SYPL1: variants seen among roughly 807,000 people sequenced by gnomAD.
SYPL1 encodes the protein synaptophysin-like protein 1.
Under a neutral mutation model 23.7 loss-of-function variants are expected in SYPL1, and 6 were observed. The ratio of observed to expected loss-of-function variants is 0.25; its 90% CI spans 0.14 to 0.50. The LOEUF (loss-of-function observed/expected upper bound fraction) is 0.50, where lower values mean the gene tolerates loss of function less well. Ranked by LOEUF, SYPL1 falls within the 20% of genes least tolerant of loss-of-function variation. The pLI, the probability that SYPL1 is intolerant of heterozygous loss-of-function variation, is 0.98. For missense variants in SYPL1, 253 were observed against 288.9 expected, an observed-to-expected ratio of 0.88 and a Z score of 0.90; for synonymous variants, 102 against 104.5, an observed-to-expected ratio of 0.98 and a Z score of 0.15.
In SYPL1 at chr7:106,096,055, C is replaced by T. The variant is rs1190539866; in HGVS notation, c.402+1635G>A. ...AGCTTCTAGTTATAAAGAATTTTAA[C>T]AAAATATAATTATCTATAAGATTAT... On this transcript the variant is annotated intron_variant, in intron 3 of 4. Transcript: ENST00000455385. The surrounding 1 kb of genome is among the most constrained non-coding windows in gnomAD (Gnocchi z 4.4). Among the ~76,000 whole-genome samples, 3 of 152,064 alleles carry T rather than the reference C, an allele frequency of 2.0e-5. No homozygotes were observed. Among genetic ancestry groups the T allele is most frequent in the Non-Finnish European group, 4.4e-5 (3 of 67,998 alleles).
intron 1 of SYPL1, among the ~76,000 whole-genome samples, chr7:106,102,700 C>T (rs1016319451): frequency 6.6e-6 from 1 of 152,186 alleles, no homozygotes; most frequent in African/African-American, 2.4e-5. Context: ...TCCTGACCCA[C>T]AGAAGAATGG....
chr7:106,106,908 G>A (rs543809284), intron 1 of SYPL1, among the ~76,000 whole-genome samples: 1 of 152,318 alleles, frequency 6.6e-6, no homozygotes, highest in South Asian at 2.1e-4. Context: ...GCTAGACCAT[G>A]CTAATTCTGA....
At chr7:106,099,422 G>A in intron 1 of SYPL1, 140 bp from the exon 2 acceptor site, 1 of 1,088,344 alleles carries the variant, frequency 9.2e-7, no homozygotes, top group Non-Finnish European at 1.3e-6. Flanking sequence ...TTGAGACAGG[G>A]TTTCTGTCGC....
At chr7:106,112,516 A>G, upstream of SYPL1, 2 of 1,522,998 alleles carry the variant, frequency 1.3e-6, no homozygotes, top group South Asian at 1.3e-5. Flanking sequence ...AACCAAGTAG[A>G]TGTTGGGCGC....
Position 106,104,842 on chromosome 7 carries a change from C to G in SYPL1, c.70-5560G>C, listed in dbSNP as rs1840510682. On this transcript the variant is annotated intron_variant, in intron 1 of 4. Coordinates refer to ENST00000455385, the MANE Select transcript of SYPL1 (RefSeq NM_182715.4). This position sits in a 1 kb window ranked among gnomAD's most constrained non-coding sequence, Gnocchi z 4.1. ...TATTCTACTGCTATTTTGATCTAGACTGGAAGTTATATACTGGCAGCCTGT... is the reference window on the plus strand; with the variant it reads ...TATTCTACTGCTATTTTGATCTAGAGTGGAAGTTATATACTGGCAGCCTGT... Among the ~76,000 whole-genome samples the G allele has an allele frequency of 6.6e-6, 1 of 152,178 alleles. No homozygotes were observed. The highest frequency in any genetic ancestry group is 1.5e-5 in the Non-Finnish European group (1 of 68,044).
At chr7:106,110,331 A>T (rs904822033) in intron 1 of SYPL1, among the ~76,000 whole-genome samples, 1 of 152,214 alleles carries the variant, frequency 6.6e-6, no homozygotes, top group African/African-American at 2.4e-5. Context: ...CCCCAAGTGA[A>T]CCAGTACCCA....
At position 106,100,117 on chromosome 7, in the gene SYPL1, G is replaced by C. The variant is rs976551494; in HGVS notation, c.70-835C>G. Among the ~76,000 whole-genome samples, 2 of 152,160 alleles carry C rather than the reference G, an allele frequency of 1.3e-5. No homozygotes were observed. The highest frequency in any genetic ancestry group is 2.1e-4 in the South Asian group (1 of 4,830). On this transcript the variant is annotated intron_variant, in intron 1 of 4. Transcript: ENST00000455385. The surrounding 1 kb of genome is among the most constrained non-coding windows in gnomAD (Gnocchi z 5.1). ...TACCAGTAATTTGTAAAGCCAAGAG[G>C]TTGTCAGCAGAGAAGAGACACTATT... is the stretch of plus-strand genomic sequence containing the variant.
intron 4 of SYPL1, chr7:106,092,746 G>T (rs2116063128): frequency 1.7e-6 from 1 of 571,596 alleles, no homozygotes; most frequent in Non-Finnish European, 3.1e-6. Context: ...TCTCAGAGAT[G>T]AATAAAATCA....
rs190352736 is a variant in SYPL1 at position 106,090,542 on chromosome 7, G to T, written c.*1263C>A. 1.4e-4 allele frequency: 22 copies of T among 152,706 alleles called. No individual in the cohort carries two copies. Among genetic ancestry groups the T allele is most frequent in the African/African-American group, 4.6e-4 (19 of 41,568 alleles). 9.5% of individuals were successfully genotyped at this position (152,706 alleles called of 1,614,324 possible). On this transcript the variant is annotated 3_prime_UTR_variant, in exon 5 of 5. Coordinates refer to ENST00000455385, the MANE Select transcript of SYPL1 (RefSeq NM_182715.4). ...CCTTTATTAAATTGGTTGCAAAAAA[G>T]ATATACATTCTTATATTGACAATTC...
chr7:106,091,707 A>G lies in SYPL1; in HGVS notation c.*98T>C, dbSNP rs556112379. The stretch of plus-strand genomic sequence containing the variant: ...TTTAAACCCACCAATATATTGACAA[A>G]GCCATTACTTTTATTAGAAACAAAT... On this transcript the variant is annotated 3_prime_UTR_variant, in exon 5 of 5. Transcript: ENST00000455385. The surrounding 1 kb of genome is among the most constrained non-coding windows in gnomAD (Gnocchi z 5.0). 39 of 1,334,874 alleles carry G rather than the reference A, an allele frequency of 2.9e-5. No individual in the cohort carries two copies. In the East Asian group the frequency reaches 8.0e-4, roughly 28 times the overall value. The allele number at this position is 1,334,874 out of a possible 1,614,324, so 82.7% of individuals were successfully genotyped here. A position where few individuals can be genotyped will look rare whatever the true frequency, so the allele number is the denominator to read the frequency against.
intron 1 of SYPL1, among the ~76,000 whole-genome samples, chr7:106,102,670 T>A (rs192563078): frequency 1.3e-5 from 2 of 152,300 alleles, no homozygotes; most frequent in African/African-American, 4.8e-5. Context: ...CCAAACCACA[T>A]AGCTAAGCTG....
intron 1 of SYPL1, among the ~76,000 whole-genome samples, chr7:106,111,608 A>AT (rs966639868): frequency 2.6e-5 from 4 of 152,142 alleles, no homozygotes; most frequent in Admixed American, 6.5e-5. Context: ...CCCACAGTTT[A>AT]TTTTTTTACT....
At chr7:106,112,009 C>T (rs1790182089) in intron 1 of SYPL1, 131 bp downstream of exon 1, 3 of 1,112,288 alleles carry the variant, frequency 2.7e-6, no homozygotes, top group Non-Finnish European at 3.3e-6. Context: ...CTGCCGTCCA[C>T]TCCCAGTCCC....
In SYPL1 at chr7:106,097,590, G is replaced by A; in HGVS notation, c.402+100C>T. 9.1e-7 allele frequency: 1 copy of A among 1,104,070 alleles called. No individual in the cohort carries two copies. Among genetic ancestry groups the A allele is most frequent in the Non-Finnish European group, 1.2e-6 (1 of 804,202 alleles). 68.4% of individuals were successfully genotyped at this position (1,104,070 alleles called of 1,614,324 possible). A position where few individuals can be genotyped will look rare whatever the true frequency, so the allele number is the denominator to read the frequency against. ...TGGCAAACACAGGCTAAAATATGCT[G>A]AACTGGCTTACACCAAGAATTTTTA... On this transcript the variant is annotated intron_variant, in intron 3 of 4. Transcript: ENST00000455385. The surrounding 1 kb of genome is among the most constrained non-coding windows in gnomAD (Gnocchi z 4.6).
At chr7:106,107,115 G>A (rs948493668) in intron 1 of SYPL1, among the ~76,000 whole-genome samples, 39 of 152,300 alleles carry the variant, frequency 2.6e-4, no homozygotes, top group Admixed American at 2.0e-4. Context: ...TATTATGTAT[G>A]AGTGTTTACA....
rs1790011985 is a variant in SYPL1 at position 106,109,048 on chromosome 7, A to G, written c.69+3092T>C. ...AAAAACAAAAAACCAAAAACAAAAA[A>G]GAACAAAAAACCCCCACCAGTTTTA... On this transcript the variant is annotated intron_variant, in intron 1 of 4. Coordinates refer to ENST00000455385, the MANE Select transcript of SYPL1 (RefSeq NM_182715.4). The surrounding 1 kb of genome is among the most constrained non-coding windows in gnomAD (Gnocchi z 4.3). Among the ~76,000 whole-genome samples, 1 of 152,232 alleles carries G rather than the reference A, an allele frequency of 6.6e-6. No individual in the cohort carries two copies. The highest frequency in any genetic ancestry group is 1.5e-5 in the Non-Finnish European group (1 of 68,040).
At chr7:106,099,330 A>T in intron 1 of SYPL1, 48 bp from the exon 2 acceptor site, 1 of 1,576,836 alleles carries the variant, frequency 6.3e-7, no homozygotes, top group Non-Finnish European at 8.6e-7. Context: ...AAGATAAGCA[A>T]TACTACAACC....
At chr7:106,111,995 C>T in intron 1 of SYPL1, 145 bp downstream of exon 1, 1 of 1,054,592 alleles carries the variant, frequency 9.5e-7, no homozygotes, top group Non-Finnish European at 1.2e-6. Context: ...CCTCCCTGCC[C>T]TCCCTGCCGT....
rs917518268 is a variant in SYPL1 at position 106,104,393 on chromosome 7, T to TA, written c.70-5112dup. On this transcript the variant is annotated intron_variant, in intron 1 of 4. Coordinates refer to ENST00000455385, the MANE Select transcript of SYPL1 (RefSeq NM_182715.4). The surrounding 1 kb of genome is among the most constrained non-coding windows in gnomAD (Gnocchi z 4.1). The stretch of plus-strand genomic sequence containing the variant: ...ACCCTGTCTTAAAAATAAAATAAAA[T>TA]AAAAAAATTAAATGGAAAAATGAAT... 4.6e-5 allele frequency among the ~76,000 whole-genome samples: 7 copies of TA among 151,916 alleles called. No homozygotes were observed. The highest frequency in any genetic ancestry group is 1.3e-4 in the Admixed American group (2 of 15,236).
Sources: gnomAD v4.1 joint callset for allele counts (sites outside exome capture counted in the v4.1 genomes callset) on GRCh38, gnomAD v4.1.1 for gene constraint, Gnocchi (gnomAD v3.1) non-coding constraint, MANE v1.5 for transcripts, NCBI Gene and HGNC (gene_info 2026-07-23, HGNC 2026-07-21) for gene names.